The following PIAS1 variants were observed in gnomAD, a reference collection of about 807,000 sequenced individuals.
The protein encoded by PIAS1 is protein inhibitor of activated STAT 1, also known as E3 SUMO-protein ligase PIAS1.
In PIAS1, 6 loss-of-function variants were observed where a neutral mutation model predicts 71.3. That is an observed-to-expected ratio of 0.08 (90% CI 0.05 to 0.17). The LOEUF is 0.17. Among genes scored for constraint, PIAS1 ranks in the 10% least tolerant of loss-of-function variants. The pLI, the probability that PIAS1 is intolerant of heterozygous loss-of-function variation, is 1.00. For synonymous variants in PIAS1, 303 were observed against 292.9 expected, an observed-to-expected ratio of 1.03 and a Z score of -0.35; for missense variants, 555 against 793.6, an observed-to-expected ratio of 0.70 and a Z score of 3.61.
intron 2 of PIAS1, among the ~76,000 whole-genome samples, chr15:68,125,006 C>T (rs542421550): frequency 5.3e-5 from 8 of 152,276 alleles, no homozygotes; most frequent in Admixed American, 4.6e-4. Flanking sequence ...GTTTGTCGCC[C>T]TGTCTTGATT....
In PIAS1 at chr15:68,181,247, C is replaced by T. The variant is rs2093051870; in HGVS notation, c.1517C>T (p.Ser506Phe). The change falls in exon 12 of 14, where the codon TCC becomes TTC. Residue 506 changes from serine to phenylalanine, a missense_variant. Around this residue, in one of 5 missense-constraint regions of PIAS1, gnomAD observed 244 missense variants for 307.5 expected, o/e 0.79. Transcript: ENST00000249636. ...LSLPHQASPV[S>F]RTPSLPAVDT... The stretch of plus-strand genomic sequence containing the variant: ...CTTCCACATCAAGCATCTCCAGTAT[C>T]CCGCACCCCAAGCCTTCCTGCTGTA... 7 of 1,613,574 alleles carry T rather than the reference C, an allele frequency of 4.3e-6. No individual in the cohort carries two copies. Among genetic ancestry groups the T allele is most frequent in the Non-Finnish European group, 5.9e-6 (7 of 1,179,610 alleles).
intron 7 of PIAS1, 142 bp downstream of exon 7, chr15:68,153,837 C>T (rs2092867144): frequency 1.9e-6 from 1 of 526,618 alleles, no homozygotes; most frequent in Non-Finnish European, 3.4e-6. Flanking sequence ...ATATCTTTGT[C>T]ATGAGCTATA....
chr15:68,184,198 G>A (rs1450936564), intron 13 of PIAS1: 1 of 152,130 alleles, frequency 6.6e-6, no homozygotes, highest in African/African-American at 2.4e-5. Context: ...GCCACATCGA[G>A]TGACTGACAT....
intron 1 of PIAS1, among the ~76,000 whole-genome samples, chr15:68,063,223 G>A (rs952400278): frequency 6.6e-6 from 1 of 152,196 alleles, no homozygotes; most frequent in Non-Finnish European, 1.5e-5. Flanking sequence ...CTGAATGTGA[G>A]CAAGCCTGTT....
At chr15:68,181,128 C>A in intron 11 of PIAS1, 84 bp from the exon 12 acceptor site, 1 of 1,149,892 alleles carries the variant, frequency 8.7e-7, no homozygotes, top group Non-Finnish European at 1.3e-6. Flanking sequence ...ACCGAGGGTT[C>A]ATTGTGAGAT....
chr15:68,093,232 A>G (rs2092347040), intron 2 of PIAS1, among the ~76,000 whole-genome samples: 1 of 152,242 alleles, frequency 6.6e-6, no homozygotes, highest in East Asian at 1.9e-4. Context: ...TCATGAAAAC[A>G]GCAACTTTCT....
intron 2 of PIAS1, among the ~76,000 whole-genome samples, chr15:68,125,170 CT>C (rs1214801056): frequency 2.4e-4 from 37 of 151,804 alleles, no homozygotes; most frequent in Admixed American, 2.3e-3. Flanking sequence ...TTTTTTCCCC[CT>C]GTGTACTTAT....
intron 1 of PIAS1, chr15:68,055,811 C>G: frequency 1.6e-6 from 1 of 644,050 alleles, no homozygotes; most frequent in South Asian, 1.8e-5. Context: ...CAACCAAATG[C>G]CAGATTTGAT....
In PIAS1 at chr15:68,122,322, GTAAC is replaced by G. The variant is rs571534888; in HGVS notation, c.470-19623_470-19620del. Among the ~76,000 whole-genome samples, 174 of 152,244 alleles carry G rather than the reference GTAAC, an allele frequency of 1.1e-3. 2 individuals are homozygous for G. The highest frequency in any genetic ancestry group is 5.1e-3 in the Admixed American group (78 of 15,282). On this transcript the variant is annotated intron_variant, in intron 2 of 13. Transcript: ENST00000249636. ...AAACCCTTATATCTGACAGTCGCAG[GTAAC>G]ATAGCGTTGAATACTGTGGTGAACA...
intron 13 of PIAS1, 101 bp downstream of exon 13, chr15:68,183,768 C>T: frequency 1.7e-6 from 1 of 574,308 alleles, no homozygotes; most frequent in Non-Finnish European, 3.2e-6. Flanking sequence ...TATATGCATT[C>T]CATAAGATTA....
chr15:68,093,855 T>G (rs567764808), intron 2 of PIAS1, among the ~76,000 whole-genome samples: 1 of 152,312 alleles, frequency 6.6e-6, no homozygotes, highest in South Asian at 2.1e-4. Flanking sequence ...TATTTAAAAT[T>G]TTGAAATTAT....
intron 1 of PIAS1, among the ~76,000 whole-genome samples, chr15:68,083,674 C>T (rs938168825): frequency 6.6e-6 from 1 of 151,816 alleles, no homozygotes; most frequent in Non-Finnish European, 1.5e-5. Context: ...ACATTCAACA[C>T]GTTTCTTAAC....
chr15:68,096,567 CT>C (rs996609707), intron 2 of PIAS1, among the ~76,000 whole-genome samples: 48 of 151,390 alleles, frequency 3.2e-4, no homozygotes, highest in African/African-American at 8.5e-4. Flanking sequence ...GAGCATTATC[CT>C]TTTTTTTATA....
chr15:68,055,501 G>T (rs1216242899), intron 1 of PIAS1, among the ~76,000 whole-genome samples: 1 of 152,084 alleles, frequency 6.6e-6, no homozygotes, highest in Non-Finnish European at 1.5e-5. Context: ...GGGGGAGGGG[G>T]TGGTGGAACC....
In PIAS1 at chr15:68,135,504, CA is replaced by C. The variant is rs1197795546; in HGVS notation, c.470-6441del. Among the ~76,000 whole-genome samples the C allele has an allele frequency of 7.6e-5, 3 of 39,266 alleles. 1 individual carries two copies. In the East Asian group the frequency reaches 2.2e-3, roughly 28 times the overall value. 25.8% of individuals were successfully genotyped at this position (39,266 alleles called of 152,430 possible). Reference sequence around the variant, plus strand: ...CTGGCCGGGGGGGGCTAACCCCCCCCACCTCCCTCCCGGACGGGGCGGCTGG... The same window carrying C: ...CTGGCCGGGGGGGGCTAACCCCCCCCCCTCCCTCCCGGACGGGGCGGCTGG... On this transcript the variant is annotated intron_variant, in intron 2 of 13. Transcript: ENST00000249636.
intron 11 of PIAS1, among the ~76,000 whole-genome samples, chr15:68,180,787 T>A (rs2093049296): frequency 6.6e-6 from 1 of 152,234 alleles, no homozygotes; most frequent in African/African-American, 2.4e-5. Flanking sequence ...ATTATATGTA[T>A]TTTCTTTGCT....
intron 2 of PIAS1, among the ~76,000 whole-genome samples, chr15:68,109,376 A>G (rs1177074862): frequency 6.6e-6 from 1 of 152,144 alleles, no homozygotes; most frequent in Non-Finnish European, 1.5e-5. Flanking sequence ...TCTTCTCATT[A>G]CAGTGTAAAT....
At chr15:68,076,808 G>A (rs1055681486) in intron 1 of PIAS1, among the ~76,000 whole-genome samples, 1 of 152,102 alleles carries the variant, frequency 6.6e-6, no homozygotes, top group African/African-American at 2.4e-5. Flanking sequence ...GCACTTACTT[G>A]GTGTCATTAA....
chr15:68,152,927 T>G (rs776550782), intron 6 of PIAS1, among the ~76,000 whole-genome samples: 53 of 148,998 alleles, frequency 3.6e-4, no homozygotes, highest in Middle Eastern at 3.2e-3. Context: ...GGTCCCCTTC[T>G]ACCTCTGTCA....
Sources: gnomAD v4.1 joint callset for allele counts (sites outside exome capture counted in the v4.1 genomes callset) on GRCh38, gnomAD v4.1.1 for gene constraint, gnomAD v4.1.1 regional missense constraint, MANE v1.5 for transcripts, NCBI Gene and HGNC (gene_info 2026-07-23, HGNC 2026-07-21) for gene names.